OCM2: variants seen among roughly 807,000 people sequenced by gnomAD.
OCM2 encodes oncomodulin 2, also known as oncomodulin-2.
In OCM2, 6 loss-of-function variants were observed where a neutral mutation model predicts 13.6. The ratio of observed to expected loss-of-function variants is 0.44; its 90% CI spans 0.24 to 0.87. The LOEUF (loss-of-function observed/expected upper bound fraction) is 0.87. Among genes scored for constraint, OCM2 ranks in the 40% least tolerant of loss-of-function variants. The pLI is 0.22. For missense variants in OCM2, 118 were observed against 136.8 expected, an observed-to-expected ratio of 0.86 and a Z score of 0.68; for synonymous variants, 40 against 50.7, an observed-to-expected ratio of 0.79 and a Z score of 0.90.
At chr7:97,990,020 A>AGGGCC in intron 1 of OCM2, 24 bp downstream of exon 1, 1 of 644,626 alleles carries the variant, frequency 1.6e-6, no homozygotes, top group Non-Finnish European at 2.7e-6. Context: ...AGGAAATCCC[A>AGGGCC]CCCCCGCCCC....
exon 3 of OCM2, chr7:97,987,081 C>A (rs537407606): frequency 6.2e-7 from 1 of 1,613,562 alleles, no homozygotes; most frequent in East Asian, 2.2e-5. Context: ...CATCATTATC[C>A]GCCGCAGCCA....
At chr7:97,988,156 A>C (rs1177178335) in intron 2 of OCM2, among the ~76,000 whole-genome samples, 2 of 150,524 alleles carry the variant, frequency 1.3e-5, no homozygotes, top group East Asian at 3.9e-4. Flanking sequence ...ACCCCACTGC[A>C]CTCCAGCCTG....
chr7:97,989,955 G>A lies in OCM2; in HGVS notation c.61+89C>T, dbSNP rs947223768. The A allele has an allele frequency of 3.6e-6, 5 of 1,374,588 alleles. No individual in the cohort carries two copies. The African/African-American group carries it at 7.1e-5, about 20-fold the overall frequency. The allele number at this position is 1,374,588 out of a possible 1,614,324, so 85.1% of individuals were successfully genotyped here. A position where few individuals can be genotyped will look rare whatever the true frequency, so the allele number is the denominator to read the frequency against. On this transcript the variant is annotated intron_variant, in intron 1 of 3. Transcript: ENST00000257627. ...TTACAGGCGTGAGCCACTGCGTCTG[G>A]CCGCCTGGCCTACATTTTGATTTTG...
In OCM2 at chr7:97,988,527, T is replaced by G. The variant is rs377447089; in HGVS notation, c.83A>C (p.Gln28Pro). Residue 28 changes from glutamine to proline, a missense_variant, in exon 2 of 4, where the codon CAA becomes CCA. Gln to Pro is a moderately conservative substitution (Grantham distance 76, BLOSUM62 -1). Transcript: ENST00000257627. ...GAGGCCTGACGTCTGGAAGAATTTT[T>G]GGGGTTCAAAAGTGTCTGGGTCTGA... 1.1e-5 allele frequency: 18 copies of G among 1,614,084 alleles called. No individual in the cohort carries two copies. Among genetic ancestry groups the G allele is most frequent in the South Asian group, 2.2e-5 (2 of 91,090 alleles).
chr7:97,990,069 A>C, exon 1 of OCM2: 1 of 1,582,454 alleles, frequency 6.3e-7, no homozygotes, highest in Non-Finnish European at 8.6e-7. Flanking sequence ...GCGCTGCTGC[A>C]ATGTCATCAG....
exon 1 of OCM2, chr7:97,990,146 A>G (rs769299544): frequency 2.5e-6 from 4 of 1,587,912 alleles, no homozygotes; most frequent in Non-Finnish European, 3.5e-6. Flanking sequence ...GCGATAAGCC[A>G]CAAACAGGAA....
chr7:97,990,158 G>A lies in OCM2; in HGVS notation c.-54C>T, dbSNP rs192916901. The A allele has an allele frequency of 6.2e-5, 96 of 1,536,764 alleles. No homozygotes were observed. Among genetic ancestry groups the A allele is most frequent in the South Asian group, 2.9e-4 (26 of 89,432 alleles). ...GAGGCGATAAGCCACAAACAGGAAC[G>A]TGCACATCCAGGGGAAACACATCTT... On this transcript the variant is annotated 5_prime_UTR_variant, in exon 1 of 4. In the 5' UTR this introduces an upstream ATG that the reference lacks. Coordinates refer to ENST00000257627, the Ensembl canonical transcript of OCM2.
intron 1 of OCM2, 28 bp downstream of exon 1, chr7:97,990,016 T>TGGCGCCCCCCCC: frequency 9.2e-7 from 1 of 1,083,840 alleles, no homozygotes; most frequent in Non-Finnish European, 1.4e-6. Flanking sequence ...TGTGAGGAAA[T>TGGCGCCCCCCCC]CCCACCCCCG....
In OCM2 at chr7:97,985,111, C is replaced by A. The variant is rs186698311; in HGVS notation, c.305-128G>T. 1,001 of 696,552 alleles carry A rather than the reference C, an allele frequency of 1.4e-3. 11 individuals are homozygous for A. In the Admixed American group the frequency reaches 0.024, roughly 17 times the overall value. 43.1% of individuals were successfully genotyped at this position (696,552 alleles called of 1,614,324 possible). A position where few individuals can be genotyped will look rare whatever the true frequency, so the allele number is the denominator to read the frequency against. ...ATTGTCAGATGATGGGCATGGCCCCCTTGGAGGGCACAAAAGAAAGAAAAA... is the reference window on the plus strand; with the variant it reads ...ATTGTCAGATGATGGGCATGGCCCCATTGGAGGGCACAAAAGAAAGAAAAA... On this transcript the variant is annotated intron_variant, in intron 3 of 3. Transcript: ENST00000257627.
At chr7:97,988,933 C>T (rs56046739) in intron 1 of OCM2, among the ~76,000 whole-genome samples, 6 of 134,512 alleles carry the variant, frequency 4.5e-5, no homozygotes, top group Admixed American at 7.6e-5. Context: ...TTCTTTCTTT[C>T]TTTTTTTTTT....
At chr7:97,985,604 G>A (rs1055289214) in intron 3 of OCM2, among the ~76,000 whole-genome samples, 2 of 152,070 alleles carry the variant, frequency 1.3e-5, no homozygotes, top group African/African-American at 2.4e-5. Context: ...CCCTGATAAT[G>A]CATGAATTCA....
intron 2 of OCM2, 139 bp from the exon 3 acceptor site, chr7:97,987,295 C>T: frequency 1.1e-6 from 1 of 937,652 alleles, no homozygotes; most frequent in Non-Finnish European, 1.6e-6. Flanking sequence ...GCAAAGGTTT[C>T]CTTAAGCTGT....
At chr7:97,985,049 C>A (rs1014937852) in intron 3 of OCM2, 66 bp from the exon 4 acceptor site, 63 of 1,609,620 alleles carry the variant, frequency 3.9e-5, no homozygotes, top group Non-Finnish European at 4.8e-5. Flanking sequence ...CATGCCGTGG[C>A]CAGTGAGAAT....
intron 3 of OCM2, among the ~76,000 whole-genome samples, chr7:97,985,271 T>A (rs1562865103): frequency 1.3e-5 from 2 of 151,838 alleles, no homozygotes; most frequent in Non-Finnish European, 2.9e-5. Flanking sequence ...ATACAAAACT[T>A]AGCCGGGCGT....
intron 3 of OCM2, among the ~76,000 whole-genome samples, chr7:97,985,485 C>T (rs966626483): frequency 2.6e-5 from 4 of 150,996 alleles, no homozygotes; most frequent in South Asian, 2.1e-4. Context: ...ATGACTATAT[C>T]TCAAGGAAGT....
intron 1 of OCM2, 28 bp downstream of exon 1, chr7:97,990,016 T>TGGC: frequency 2.4e-4 from 256 of 1,083,580 alleles, no homozygotes; most frequent in Non-Finnish European, 3.2e-4. Context: ...TGTGAGGAAA[T>TGGC]CCCACCCCCG....
intron 2 of OCM2, 78 bp from the exon 3 acceptor site, chr7:97,987,234 A>G: frequency 6.5e-7 from 1 of 1,549,088 alleles, no homozygotes; most frequent in East Asian, 2.3e-5. Flanking sequence ...TTTTCCTTTA[A>G]GCATATCATC....
intron 1 of OCM2, 28 bp downstream of exon 1, chr7:97,990,016 T>TGGCGCCCCCCCCCC: frequency 9.2e-7 from 1 of 1,083,840 alleles, no homozygotes; most frequent in Non-Finnish European, 1.4e-6. Flanking sequence ...TGTGAGGAAA[T>TGGCGCCCCCCCCCC]CCCACCCCCG....
chr7:97,988,567 G>A lies in OCM2; in HGVS notation c.62-19C>T, dbSNP rs1184085789. The A allele has an allele frequency of 1.9e-6, 3 of 1,613,956 alleles. No homozygotes were observed. Among genetic ancestry groups the A allele is most frequent in the Non-Finnish European group, 2.5e-6 (3 of 1,179,986 alleles). On this transcript the variant is annotated intron_variant, in intron 1 of 3. Coordinates refer to ENST00000257627, the Ensembl canonical transcript of OCM2. ...TCTGGGTCTGAAGAACAGAGAATGG[G>A]TTATTCTGACACTCATTGGATCACA...
Sources: gnomAD v4.1 joint callset for allele counts (sites outside exome capture counted in the v4.1 genomes callset) on GRCh38, gnomAD v4.1.1 for gene constraint, MANE v1.5 for transcripts, NCBI Gene and HGNC (gene_info 2026-07-23, HGNC 2026-07-21) for gene names.